Variants in COBL observed in about 807,000 individuals in gnomAD.
The protein encoded by COBL is protein cordon-bleu.
A neutral mutation model predicts 98.8 loss-of-function variants in COBL; 51 were observed. That is an observed-to-expected ratio of 0.52 (90% CI 0.41 to 0.65). COBL has a LOEUF of 0.65. Ranked by LOEUF, COBL falls within the 30% of genes least tolerant of loss-of-function variation. The pLI, the probability that COBL is intolerant of heterozygous loss-of-function variation, is 0.00. For synonymous variants in COBL, 634 were observed against 651.7 expected, an observed-to-expected ratio of 0.97 and a Z score of 0.41; for missense variants, 1,617 against 1,617.5, an observed-to-expected ratio of 1.00 and a Z score of 0.01.
chr7:51,303,316 T>A (rs1802161955), intron 1 of COBL, among the ~76,000 whole-genome samples: 1 of 152,112 alleles, frequency 6.6e-6, no homozygotes, highest in Non-Finnish European at 1.5e-5. Context: ...ATCCCAGCCC[T>A]CTGGGAGGCC....
rs565386438 is a variant in COBL at position 51,016,559 on chromosome 7, G to C, written c.*992C>G. 1 of 179,156 alleles carries C rather than the reference G, an allele frequency of 5.6e-6. No homozygotes were observed. The highest frequency in any genetic ancestry group is 2.3e-5 in the African/African-American group (1 of 42,718). 11.1% of individuals were successfully genotyped at this position (179,156 alleles called of 1,614,324 possible). A position where few individuals can be genotyped will look rare whatever the true frequency, so the allele number is the denominator to read the frequency against. On this transcript the variant is annotated 3_prime_UTR_variant, in exon 13 of 13. Transcript: ENST00000265136. The stretch of plus-strand genomic sequence containing the variant: ...ACTGGGCACCATGTGAGAAGACCAC[G>C]ATATCATACAAAGGGAGCCAATGAG...
chr7:51,109,704 G>T (rs1380698747), intron 6 of COBL, among the ~76,000 whole-genome samples: 1 of 152,114 alleles, frequency 6.6e-6, no homozygotes, highest in East Asian at 1.9e-4. Flanking sequence ...GCCAGGCACT[G>T]TTCTCCACAA....
chr7:51,083,247 G>T, intron 7 of COBL: 1 of 1,438,644 alleles, frequency 7.0e-7, no homozygotes, highest in Non-Finnish European at 9.1e-7. Flanking sequence ...AATCAACAGG[G>T]AGTTACTTCA....
chr7:51,132,383 G>A (rs1424501483), intron 6 of COBL, among the ~76,000 whole-genome samples: 1 of 152,228 alleles, frequency 6.6e-6, no homozygotes, highest in African/African-American at 2.4e-5. Context: ...AATGCCATGA[G>A]ATCTATGTCT....
intron 5 of COBL, among the ~76,000 whole-genome samples, chr7:51,152,340 C>T (rs1439047389): frequency 2.0e-5 from 3 of 152,178 alleles, no homozygotes; most frequent in African/African-American, 4.8e-5. Flanking sequence ...ACATCTGTAG[C>T]TTGTTTCTTA....
chr7:51,310,661 T>G (rs1020639849), intron 1 of COBL, among the ~76,000 whole-genome samples: 4 of 152,136 alleles, frequency 2.6e-5, no homozygotes, highest in Admixed American at 6.5e-5. Context: ...GTTTTTGTTT[T>G]GTTTGGTTTG....
intron 5 of COBL, among the ~76,000 whole-genome samples, chr7:51,148,916 A>G (rs985908269): frequency 3.3e-5 from 5 of 151,974 alleles, no homozygotes; most frequent in Non-Finnish European, 5.9e-5. Context: ...ACACATATAT[A>G]ACTTCACCCC....
chr7:51,168,869 A>C (rs891737158), intron 5 of COBL, among the ~76,000 whole-genome samples: 2 of 152,348 alleles, frequency 1.3e-5, no homozygotes, highest in African/African-American at 4.8e-5. Flanking sequence ...AGTGTCCATC[A>C]GCAGATGAAT....
At chr7:51,146,074 T>C (rs546494601) in intron 5 of COBL, among the ~76,000 whole-genome samples, 3 of 152,326 alleles carry the variant, frequency 2.0e-5, no homozygotes, top group East Asian at 3.9e-4. Context: ...ATATTTTTAC[T>C]GGCCCCAAGC....
At chr7:51,122,753 T>C (rs1797851930) in intron 6 of COBL, among the ~76,000 whole-genome samples, 1 of 152,132 alleles carries the variant, frequency 6.6e-6, no homozygotes, top group South Asian at 2.1e-4. Context: ...CCGAGGTTGG[T>C]GGATCACCTG....
At chr7:51,295,671 T>G (rs1281750999) in intron 1 of COBL, among the ~76,000 whole-genome samples, 1 of 152,220 alleles carries the variant, frequency 6.6e-6, no homozygotes, top group African/African-American at 2.4e-5. Flanking sequence ...TTAACTGTTC[T>G]GTGCCTCTGG....
chr7:51,300,876 C>G (rs938115296), intron 1 of COBL, among the ~76,000 whole-genome samples: 1 of 152,186 alleles, frequency 6.6e-6, no homozygotes, highest in African/African-American at 2.4e-5. Flanking sequence ...TCACAACTGT[C>G]ATCAGGGCCC....
intron 1 of COBL, among the ~76,000 whole-genome samples, chr7:51,241,473 A>T (rs1330278508): frequency 6.6e-6 from 1 of 152,234 alleles, no homozygotes; most frequent in Non-Finnish European, 1.5e-5. Context: ...TCCCCTGTGC[A>T]GATCCCATTA....
At chr7:51,205,323 A>G (rs1003635311) in intron 2 of COBL, among the ~76,000 whole-genome samples, 1 of 152,218 alleles carries the variant, frequency 6.6e-6, no homozygotes, top group Admixed American at 6.5e-5. Context: ...AAACATGTAG[A>G]CTAATGGAAC....
At chr7:51,037,892 C>T (rs1049487769) in intron 8 of COBL, among the ~76,000 whole-genome samples, 1 of 152,188 alleles carries the variant, frequency 6.6e-6, no homozygotes, top group African/African-American at 2.4e-5. Flanking sequence ...ACTCTTGTCA[C>T]CCAGGCTGGA....
intron 3 of COBL, among the ~76,000 whole-genome samples, chr7:51,192,090 T>G (rs1790169658): frequency 6.6e-6 from 1 of 152,218 alleles, no homozygotes; most frequent in Non-Finnish European, 1.5e-5. Context: ...AGAGATGCTC[T>G]GCCTCAAACA....
chr7:51,202,523 C>T (rs965976424), intron 2 of COBL, among the ~76,000 whole-genome samples: 1 of 152,080 alleles, frequency 6.6e-6, no homozygotes, highest in Non-Finnish European at 1.5e-5. Context: ...TTCAAGCATC[C>T]ACCAGAGGTT....
At chr7:51,236,522 T>C (rs530342230) in intron 1 of COBL, among the ~76,000 whole-genome samples, 26 of 152,302 alleles carry the variant, frequency 1.7e-4, no homozygotes, top group African/African-American at 6.3e-4. Context: ...AAGCAGCTCA[T>C]GACTGGAAAC....
At chr7:51,243,788 G>A (rs1179483522) in intron 1 of COBL, among the ~76,000 whole-genome samples, 2 of 152,010 alleles carry the variant, frequency 1.3e-5, no homozygotes, top group Admixed American at 6.5e-5. Context: ...GTAGAGGGAG[G>A]TCTTGGGGTG....
Sources: gnomAD v4.1 joint callset for allele counts (sites outside exome capture counted in the v4.1 genomes callset) on GRCh38, gnomAD v4.1.1 for gene constraint, MANE v1.5 for transcripts, NCBI Gene and HGNC (gene_info 2026-07-23, HGNC 2026-07-21) for gene names.